Variants in RTTN observed in about 807,000 individuals in gnomAD.
RTTN encodes rotatin.
RTTN carries 182 observed loss-of-function variants against 269.2 expected under a neutral mutation model. That is an observed-to-expected ratio of 0.68 (90% confidence interval 0.60 to 0.76). The LOEUF is 0.76. Among genes scored for constraint, RTTN ranks in the 30% least tolerant of loss-of-function variants. The probability of loss-of-function intolerance (pLI) is 0.00; values close to 1 mark genes in which losing one functional copy is unlikely to be tolerated. For missense variants in RTTN, 2,545 were observed against 2,608.6 expected, an observed-to-expected ratio of 0.98 and a Z score of 0.53; for synonymous variants, 1,006 against 963.5, an observed-to-expected ratio of 1.04 and a Z score of -0.82.
intron 15 of RTTN, 127 bp from the exon 16 acceptor site, chr18:70,150,214 C>A: frequency 1.5e-6 from 1 of 657,812 alleles, no homozygotes; most frequent in East Asian, 2.6e-5. Flanking sequence ...TTCAAATGTT[C>A]GTACTTCCAC....
At chr18:70,071,575 A>T (rs904086234) in intron 34 of RTTN, among the ~76,000 whole-genome samples, 1 of 152,148 alleles carries the variant, frequency 6.6e-6, no homozygotes, top group Non-Finnish European at 1.5e-5. Flanking sequence ...CCAGAGGAGG[A>T]GAATATTGAG....
intron 31 of RTTN, 128 bp from the exon 32 acceptor site, chr18:70,086,812 C>T (rs1052124588): frequency 5.3e-5 from 43 of 808,232 alleles, no homozygotes; most frequent in Non-Finnish European, 7.2e-5. Context: ...CTCTGGTCAA[C>T]TGCACATGCT....
chr18:70,006,584 GCATA>G, intron 46 of RTTN, 100 bp from the exon 47 acceptor site: 1 of 868,982 alleles, frequency 1.2e-6, no homozygotes, highest in Non-Finnish European at 1.9e-6. Flanking sequence ...CCATTAGAAT[GCATA>G]CATAAAGTTG....
intron 34 of RTTN, 60 bp downstream of exon 34, chr18:70,073,845 AG>A (rs1186270139): frequency 3.4e-6 from 4 of 1,188,122 alleles, no homozygotes; most frequent in Non-Finnish European, 5.0e-6. Context: ...CTCTCCCACT[AG>A]GCAAACTCAA....
rs11875732 is a variant in RTTN, at chr18:70,067,041, T to C, written c.4654-1119A>G. On this transcript the variant is annotated intron_variant, in intron 34 of 48. Coordinates refer to ENST00000640769, the MANE Select transcript of RTTN (RefSeq NM_173630.4). Reference sequence around the variant, plus strand: ...TAAAAAATGTAGGCTAAGCACATAATCTAAAAAGTAAATCTGGAAAAAAGT... The same window carrying C: ...TAAAAAATGTAGGCTAAGCACATAACCTAAAAAGTAAATCTGGAAAAAAGT... Among the ~76,000 whole-genome samples, 372 of 152,172 alleles carry C rather than the reference T, an allele frequency of 2.4e-3. 1 individual carries two copies. The highest frequency in any genetic ancestry group is 8.4e-3 in the African/African-American group (350 of 41,512).
intron 40 of RTTN, among the ~76,000 whole-genome samples, chr18:70,044,685 C>T (rs2057443120): frequency 1.3e-5 from 2 of 152,098 alleles, no homozygotes; most frequent in South Asian, 2.1e-4. Context: ...AAATATCTTA[C>T]TACAATGCAC....
intron 14 of RTTN, among the ~76,000 whole-genome samples, chr18:70,154,003 A>T (rs1182828088): frequency 6.6e-6 from 1 of 152,168 alleles, no homozygotes; most frequent in African/African-American, 2.4e-5. Flanking sequence ...GAAAGTTCAC[A>T]TTCTTTTATT....
intron 26 of RTTN, among the ~76,000 whole-genome samples, chr18:70,114,860 T>C (rs566133087): frequency 6.6e-6 from 1 of 151,940 alleles, no homozygotes; most frequent in African/African-American, 2.4e-5. Context: ...CACACAGAAA[T>C]TGCCACTATT....
intron 14 of RTTN, among the ~76,000 whole-genome samples, chr18:70,165,282 C>T (rs904947271): frequency 1.3e-5 from 2 of 151,296 alleles, no homozygotes; most frequent in African/African-American, 4.8e-5. Flanking sequence ...ATATAAAATT[C>T]TTTAAATTAT....
At chr18:70,028,824 A>G in intron 42 of RTTN, 23 bp from the exon 43 acceptor site, 1 of 1,527,554 alleles carries the variant, frequency 6.5e-7, no homozygotes, top group Non-Finnish European at 9.1e-7. Flanking sequence ...AAAGCAGTTG[A>G]AAACTGTGAA....
chr18:70,034,089 T>C (rs2057099645), intron 40 of RTTN, among the ~76,000 whole-genome samples: 1 of 152,070 alleles, frequency 6.6e-6, no homozygotes, highest in Admixed American at 6.5e-5. Flanking sequence ...ATAAAAGCCA[T>C]GGATCAGATG....
chr18:70,121,478 T>C (rs2059735953), intron 26 of RTTN, 78 bp downstream of exon 26: 1 of 1,216,466 alleles, frequency 8.2e-7, no homozygotes. Context: ...ATTATCCTTT[T>C]CCATAATATA....
chr18:70,127,770 G>A, intron 24 of RTTN, 29 bp from the exon 25 acceptor site: 5 of 1,447,494 alleles, frequency 3.5e-6, no homozygotes, highest in Non-Finnish European at 4.8e-6. Flanking sequence ...AATGAAGGAG[G>A]AACATAAAGC....
rs1192201035 is a variant in RTTN, at chr18:70,050,973, G to A, written c.5323+438C>T. Among the ~76,000 whole-genome samples, 6 of 152,034 alleles carry A rather than the reference G, an allele frequency of 3.9e-5. 1 individual carries two copies. Among genetic ancestry groups the A allele is most frequent in the Admixed American group, 2.6e-4 (4 of 15,258 alleles). On this transcript the variant is annotated intron_variant, in intron 39 of 48. Coordinates refer to ENST00000640769, the MANE Select transcript of RTTN (RefSeq NM_173630.4). Reference sequence around the variant, plus strand: ...AGGACAAATACCTAATGCATGTGGGGCTTAAAACCTAGATGATCGGTTGAT... The same window carrying A: ...AGGACAAATACCTAATGCATGTGGGACTTAAAACCTAGATGATCGGTTGAT...
intron 40 of RTTN, among the ~76,000 whole-genome samples, chr18:70,044,197 T>C (rs11151560): frequency 0.79 from 120,788 of 152,182 alleles, 52,166 homozygotes; most frequent in East Asian, 1. Context: ...ATCTTAAATA[T>C]ATAAGCCTTC....
chr18:70,141,683 TGGGTGCA>T (rs1568451580), intron 19 of RTTN, among the ~76,000 whole-genome samples: 1 of 152,130 alleles, frequency 6.6e-6, no homozygotes, highest in African/African-American at 2.4e-5. Context: ...AATGAGTTGA[TGGGTGCA>T]GCAAACCAAC....
chr18:70,091,048 G>T (rs1334563196), intron 30 of RTTN, among the ~76,000 whole-genome samples: 1 of 152,130 alleles, frequency 6.6e-6, no homozygotes, highest in Non-Finnish European at 1.5e-5. Context: ...TAACTTGTAT[G>T]GGTTCACAGG....
intron 25 of RTTN, among the ~76,000 whole-genome samples, chr18:70,124,241 T>G (rs10782039): frequency 0.81 from 123,752 of 151,980 alleles, 53,575 homozygotes; most frequent in East Asian, 1. Context: ...AACAAAAAAC[T>G]TACGAATAAT....
At chr18:70,081,456 T>C (rs2058565855) in intron 32 of RTTN, among the ~76,000 whole-genome samples, 2 of 152,184 alleles carry the variant, frequency 1.3e-5, no homozygotes, top group Non-Finnish European at 2.9e-5. Flanking sequence ...ACAGGCAGAT[T>C]CTATCTTTAC....
Sources: allele counts gnomAD v4.1 joint callset (sites outside exome capture counted in the v4.1 genomes callset), GRCh38; gene constraint gnomAD v4.1.1; transcripts MANE v1.5; gene names NCBI Gene and HGNC (gene_info 2026-07-23, HGNC 2026-07-21).